The following SENP2 variants were observed in gnomAD, a reference collection of about 807,000 sequenced individuals.
SENP2 encodes the protein SUMO specific peptidase 2.
A neutral mutation model predicts 86.3 loss-of-function variants in SENP2; 16 were observed. The observed-to-expected ratio is 0.19, with a 90% CI of 0.13 to 0.28. The LOEUF (loss-of-function observed/expected upper bound fraction) is 0.28, where lower values mean the gene tolerates loss of function less well. Among genes scored for constraint, SENP2 ranks in the 10% least tolerant of loss-of-function variants. The probability of loss-of-function intolerance (pLI) is 1.00; values close to 1 mark genes in which losing one functional copy is unlikely to be tolerated. For missense variants in SENP2, 552 were observed against 703.0 expected (o/e 0.79, Z 2.43); for synonymous variants, 222 against 238.7 (o/e 0.93, Z 0.64).
intron 2 of SENP2, among the ~76,000 whole-genome samples, chr3:185,592,007 A>ATTTTTTTT (rs1261238822): frequency 0.018 from 621 of 34,930 alleles, 23 homozygotes; most frequent in East Asian, 0.083. Flanking sequence ...AACCGGTAAT[A>ATTTTTTTT]TTTCTTTTTT....
At position 185,614,863 on chromosome 3, in the gene SENP2, A is replaced by C. The variant is rs1711544765; in HGVS notation, c.1110+123A>C. ...AGGGGTGAATATATGAAAACATGTCAGGTCCATGGTCTGTTGATTCACTTT... is the reference window on the plus strand; with the variant it reads ...AGGGGTGAATATATGAAAACATGTCCGGTCCATGGTCTGTTGATTCACTTT... On this transcript the variant is annotated intron_variant, in intron 11 of 16. Transcript: ENST00000296257. 3.5e-6 allele frequency: 3 copies of C among 854,028 alleles called. No homozygotes were observed. The Admixed American group carries it at 8.4e-5, about 24-fold the overall frequency. 52.9% of individuals were successfully genotyped at this position (854,028 alleles called of 1,614,324 possible).
chr3:185,594,989 G>T (rs1302534540), intron 2 of SENP2, among the ~76,000 whole-genome samples: 1 of 152,174 alleles, frequency 6.6e-6, no homozygotes, highest in Non-Finnish European at 1.5e-5. Context: ...CTCCCAAAGT[G>T]CTGGGATTAC....
intron 3 of SENP2, 91 bp downstream of exon 3, chr3:185,598,636 T>A: frequency 7.7e-7 from 1 of 1,302,950 alleles, no homozygotes; most frequent in Non-Finnish European, 1.1e-6. Flanking sequence ...TTAATGTGTA[T>A]AATTACTTTT....
rs1452695273 is a variant in SENP2 at position 185,629,877 on chromosome 3, G to A, written c.*33G>A. 6.2e-7 allele frequency: 1 copy of A among 1,607,294 alleles called. No individual in the cohort carries two copies. The highest frequency in any genetic ancestry group is 1.3e-5 in the African/African-American group (1 of 74,792). On this transcript the variant is annotated 3_prime_UTR_variant, in exon 17 of 17. Transcript: ENST00000296257. ...TTGCCTGGTCCCTCTAGCTGCTGGT[G>A]GTTCTTTCACAGACATTTCCATATA...
Position 185,592,378 on chromosome 3 carries a change from A to G in SENP2, c.157+2209A>G, listed in dbSNP as rs140719881. On this transcript the variant is annotated intron_variant, in intron 2 of 16. Transcript: ENST00000296257. The stretch of plus-strand genomic sequence containing the variant: ...AAGTCTTTTACTTCAGTATATCTGA[A>G]TGGATAAAGAAAATAAAAGTAGATT... 1.8e-3 allele frequency among the ~76,000 whole-genome samples: 272 copies of G among 152,184 alleles called. 2 individuals are homozygous for G. The highest frequency in any genetic ancestry group is 6.2e-3 in the African/African-American group (258 of 41,534).
At position 185,604,440 on chromosome 3, in the gene SENP2, T is replaced by C. The variant is rs576627600; in HGVS notation, c.450-1890T>C. 7.7e-4 allele frequency among the ~76,000 whole-genome samples: 117 copies of C among 152,356 alleles called. 1 individual carries two copies. The highest frequency in any genetic ancestry group is 2.7e-3 in the African/African-American group (114 of 41,588). On this transcript the variant is annotated intron_variant, in intron 5 of 16. Coordinates refer to ENST00000296257, the MANE Select transcript of SENP2 (RefSeq NM_021627.3). ...GAATGACCTAAATGTCAGGTCAGGT[T>C]GGTTGATAATATTTTACAGGTGTTA...
intron 10 of SENP2, 115 bp downstream of exon 10, chr3:185,613,523 G>C: frequency 1.6e-6 from 1 of 617,120 alleles, no homozygotes; most frequent in Non-Finnish European, 2.7e-6. Flanking sequence ...TAATTCTGTT[G>C]TTTTTCTTTA....
rs944044246 is a variant in SENP2 at position 185,624,060 on chromosome 3, C to T, written c.1589C>T (p.Thr530Ile). ...AGTGATCTGAATCTTTTAGAGTGGA[C>T]CCATCACAGCATGAAACCACACGTG... Reference protein sequence around the residue: ...RNSDLNLLEWTHHSMKPHEIP... With the variant: ...RNSDLNLLEWIHHSMKPHEIP... Residue 530 changes from threonine to isoleucine, a missense_variant, in exon 15 of 17, where the codon ACC becomes ATC. Coordinates refer to ENST00000296257, the MANE Select transcript of SENP2 (RefSeq NM_021627.3). The T allele has an allele frequency of 1.9e-6, 3 of 1,611,716 alleles. No homozygotes were observed. In the East Asian group the frequency reaches 6.7e-5, roughly 36 times the overall value.
chr3:185,589,931 G>A (rs564296739), intron 1 of SENP2, among the ~76,000 whole-genome samples, 183 bp from the exon 2 acceptor site: 2 of 152,212 alleles, frequency 1.3e-5, no homozygotes, highest in South Asian at 4.2e-4. Context: ...GCCTCCCAAA[G>A]TGCTGGGATT....
rs1422212975 is a variant in SENP2, at chr3:185,609,387, T to G, written c.722+37T>G. 8.3e-6 allele frequency: 12 copies of G among 1,451,978 alleles called. No individual in the cohort carries two copies. The South Asian group carries it at 1.4e-4, about 17-fold the overall frequency. The allele number at this position is 1,451,978 out of a possible 1,614,324, so 89.9% of individuals were successfully genotyped here. On this transcript the variant is annotated intron_variant, in intron 7 of 16. Transcript: ENST00000296257. ...CTAACAGATAATGCTTTGCTAGGCA[T>G]CTTTTGTTTGTTTGTTTTTGGAGAA... is the stretch of plus-strand genomic sequence containing the variant.
At position 185,586,479 on chromosome 3, in the gene SENP2, T is replaced by A. The variant is rs762860960; in HGVS notation, c.66T>A (p.Pro22=). 4 of 1,613,834 alleles carry A rather than the reference T, an allele frequency of 2.5e-6. No individual in the cohort carries two copies. Among genetic ancestry groups the A allele is most frequent in the African/African-American group, 1.3e-5 (1 of 75,050 alleles). ...GTTTCTGCGACCGGTCGGTGCCCCC[T>A]GCCCGGGCCCTCCTGAAGAGGCGGC... ...IFRFCDRSVP[P]ARALLKRRRS... The change falls in exon 1 of 17, where the codon CCT becomes CCA. Residue 22 remains proline (P), a synonymous_variant. Transcript: ENST00000296257. The surrounding 1 kb of genome is among the most constrained non-coding windows in gnomAD (Gnocchi z 4.3).
rs1721778266 is a variant in SENP2 at position 185,586,332 on chromosome 3, A to G, written c.-82A>G. On this transcript the variant is annotated 5_prime_UTR_variant, in exon 1 of 17. Transcript: ENST00000296257. This position sits in a 1 kb window ranked among gnomAD's most constrained non-coding sequence, Gnocchi z 4.3. ...CCGAACTCTGGCGGTGGTGGTTAAG[A>G]CGGCGAAGGCGGCAGCGGCGGCGAC... 1.3e-6 allele frequency: 2 copies of G among 1,592,374 alleles called. No individual in the cohort carries two copies. Among genetic ancestry groups the G allele is most frequent in the East Asian group, 4.5e-5 (2 of 44,500 alleles).
At chr3:185,624,437 TCA>T (rs1221721260) in intron 15 of SENP2, among the ~76,000 whole-genome samples, 1 of 152,212 alleles carries the variant, frequency 6.6e-6, no homozygotes. Context: ...TGCATGTCTC[TCA>T]CAGAATTGGG....
At chr3:185,610,862 G>T (rs1210281908) in intron 7 of SENP2, among the ~76,000 whole-genome samples, 1 of 152,218 alleles carries the variant, frequency 6.6e-6, no homozygotes, top group Non-Finnish European at 1.5e-5. Context: ...GGAGGCTGAG[G>T]CAGGAGAATG....
chr3:185,598,912 G>A, intron 3 of SENP2, 46 bp from the exon 4 acceptor site: 1 of 1,447,828 alleles, frequency 6.9e-7, no homozygotes, highest in Non-Finnish European at 9.6e-7. Flanking sequence ...AGTTATTTAG[G>A]TGACAAAATT....
At chr3:185,592,034 T>TTTTTTTTTTTTA (rs1722024459) in intron 2 of SENP2, among the ~76,000 whole-genome samples, 9 of 114,586 alleles carry the variant, frequency 7.9e-5, no homozygotes, top group Non-Finnish European at 1.3e-4. Context: ...TTTTTTTTTT[T>TTTTTTTTTTTTA]GAGACAGGAT....
rs534098641 is a variant in SENP2 at position 185,608,830 on chromosome 3, T to C, written c.619-417T>C. ...AACATAAGGACTGGAAAAGTGTCTATTAAATGTAGCCATAGAGGTTACTGG... is the reference window on the plus strand; with the variant it reads ...AACATAAGGACTGGAAAAGTGTCTACTAAATGTAGCCATAGAGGTTACTGG... On this transcript the variant is annotated intron_variant, in intron 6 of 16. Transcript: ENST00000296257. Among the ~76,000 whole-genome samples the C allele has an allele frequency of 5.3e-5, 8 of 152,286 alleles. No homozygotes were observed. In the East Asian group the frequency reaches 1.5e-3, roughly 29 times the overall value.
At chr3:185,595,641 C>A (rs754945427) in intron 2 of SENP2, among the ~76,000 whole-genome samples, 3 of 152,114 alleles carry the variant, frequency 2.0e-5, no homozygotes, top group Non-Finnish European at 4.4e-5. Context: ...CTAGCGTCTT[C>A]AAATACCCTT....
At chr3:185,612,268 G>A (rs74430300) in intron 8 of SENP2, 17,430 of 194,648 alleles carry the variant, frequency 0.09, 1,252 homozygotes, top group South Asian at 0.32. Flanking sequence ...TTATTCCTAA[G>A]CTGCTAGATA....
Sources: allele counts gnomAD v4.1 joint callset (sites outside exome capture counted in the v4.1 genomes callset), GRCh38; gene constraint gnomAD v4.1.1; non-coding constraint Gnocchi (gnomAD v3.1); transcripts MANE v1.5; gene names NCBI Gene and HGNC (gene_info 2026-07-23, HGNC 2026-07-21).